The following ZFHX4 variants were observed in gnomAD, a reference collection of about 807,000 sequenced individuals.
ZFHX4 encodes the protein zinc finger homeobox 4.
ZFHX4 carries 56 observed loss-of-function variants against 267.6 expected under a neutral mutation model. The ratio of observed to expected loss-of-function variants is 0.21; its 90% confidence interval spans 0.17 to 0.26. ZFHX4 has a LOEUF of 0.26. ZFHX4 is among the 10% of genes least tolerant of loss of function. ZFHX4 has a pLI of 1.00. For synonymous variants in ZFHX4, 1,778 were observed against 1,665.6 expected, an observed-to-expected ratio of 1.07 and a Z score of -1.64; for missense variants, 4,332 against 4,420.0, an observed-to-expected ratio of 0.98 and a Z score of 0.56.
intron 3 of ZFHX4, 177 bp downstream of exon 3, chr8:76,708,225 C>T: frequency 1.2e-6 from 1 of 801,272 alleles, no homozygotes. Flanking sequence ...GAATTGAAGG[C>T]TTTATTTATA....
chr8:76,779,334 C>A (rs1156864908), intron 4 of ZFHX4, among the ~76,000 whole-genome samples: 1 of 152,000 alleles, frequency 6.6e-6, no homozygotes, highest in African/African-American at 2.4e-5. Context: ...TTACTCAGTA[C>A]ACCTTTATAA....
chr8:76,833,212 C>T, intron 4 of ZFHX4, 126 bp from the exon 5 acceptor site: 1 of 666,182 alleles, frequency 1.5e-6, no homozygotes, highest in South Asian at 1.8e-5. Flanking sequence ...GTGCTGGAGA[C>T]TCACCTGAGC....
In ZFHX4 at chr8:76,807,427, T is replaced by C. The variant is rs1811271958; in HGVS notation, c.3326-25911T>C. 1.3e-5 allele frequency among the ~76,000 whole-genome samples: 2 copies of C among 152,094 alleles called. 1 individual carries two copies. Among genetic ancestry groups the C allele is most frequent in the Admixed American group, 1.3e-4 (2 of 15,226 alleles). ...TAGATTCTGAACAAGCAGAATTAGA[T>C]TGGCAGCTTTCTCTCTCCTACCAGG... On this transcript the variant is annotated intron_variant, in intron 4 of 10. Transcript: ENST00000651372.
intron 3 of ZFHX4, 197 bp downstream of exon 3, chr8:76,708,245 C>T (rs1808333108): frequency 2.8e-6 from 2 of 703,320 alleles, no homozygotes; most frequent in South Asian, 2.0e-5. Context: ...AAAGTTTTAC[C>T]CTATGTCTCA....
At chr8:76,805,104 A>G (rs1811212782) in intron 4 of ZFHX4, among the ~76,000 whole-genome samples, 1 of 152,074 alleles carries the variant, frequency 6.6e-6, no homozygotes, top group Non-Finnish European at 1.5e-5. Flanking sequence ...AGTGGCATAC[A>G]AGGGTAAGAA....
rs781072690 is a variant in ZFHX4, at chr8:76,856,117, C to A, written c.9196C>A (p.Arg3066Ser). Reference protein sequence around the residue: ...RQLMAQQELDRIKKASDVLGL... With the variant: ...RQLMAQQELDSIKKASDVLGL... The stretch of plus-strand genomic sequence containing the variant: ...GCTGATGGCACAGCAAGAACTTGAT[C>A]GTATAAAGAAAGCTTCAGACGTGCT... The change falls in exon 10 of 11, where the codon CGT (arginine) becomes AGT (serine). Residue 3066 changes from arginine (R) to serine (S), a missense_variant. Around this residue, in one of 7 missense-constraint regions of ZFHX4, gnomAD observed 1,648 missense variants for 1,625.0 expected, o/e 1.01. Transcript: ENST00000651372. 3.1e-6 allele frequency: 5 copies of A among 1,613,936 alleles called. No homozygotes were observed. Among genetic ancestry groups the A allele is most frequent in the Non-Finnish European group, 4.2e-6 (5 of 1,179,866 alleles).
Position 76,705,066 on chromosome 8 carries a change from C to A in ZFHX4, c.978C>A (p.Gly326=). ...KCVSAIIQGI[G]KDKEPLISFL... is the part of the protein sequence containing the mutation. ...TCTCCGCCATAATACAGGGGATTGG[C>A]AAAGACAAAGAACCTCTTATAAGCT... is the stretch of plus-strand genomic sequence containing the variant. Residue 326 remains glycine, a synonymous_variant, in exon 2 of 11, where the codon GGC becomes GGA. Transcript: ENST00000651372. 1 of 1,613,926 alleles carries A rather than the reference C, an allele frequency of 6.2e-7. No individual in the cohort carries two copies. The highest frequency in any genetic ancestry group is 8.5e-7 in the Non-Finnish European group (1 of 1,179,886).
intron 4 of ZFHX4, among the ~76,000 whole-genome samples, chr8:76,778,762 A>G (rs1179539271): frequency 2.0e-5 from 3 of 152,292 alleles, no homozygotes; most frequent in Admixed American, 6.5e-5. Context: ...TCTCATGACC[A>G]AAGCAATTTG....
chr8:76,783,026 A>ATCT (rs1457207911), intron 4 of ZFHX4, among the ~76,000 whole-genome samples: 2 of 152,042 alleles, frequency 1.3e-5, no homozygotes, highest in Non-Finnish European at 1.5e-5. Flanking sequence ...AGAGCATAGA[A>ATCT]AGGTCTCTTA....
intron 3 of ZFHX4, among the ~76,000 whole-genome samples, chr8:76,749,558 A>G (rs557830303): frequency 6.6e-6 from 1 of 152,308 alleles, no homozygotes; most frequent in East Asian, 1.9e-4. Context: ...AAGAGAGTGG[A>G]AAGTTCATGA....
rs946051890 is a variant in ZFHX4 at position 76,681,574 on chromosome 8, A to G, written c.-93A>G. Reference sequence around the variant, plus strand: ...CAGCTGTAAGTAAAATAAAAGCAAAACAAAAAAGAGGCGAAGATCGAGTAG... The same window carrying G: ...CAGCTGTAAGTAAAATAAAAGCAAAGCAAAAAAGAGGCGAAGATCGAGTAG... On this transcript the variant is annotated 5_prime_UTR_variant, in exon 1 of 11. Transcript: ENST00000651372. 5.0e-6 allele frequency: 2 copies of G among 398,280 alleles called. No individual in the cohort carries two copies. The highest frequency in any genetic ancestry group is 4.4e-6 in the Non-Finnish European group (1 of 225,972). 24.7% of individuals were successfully genotyped at this position (398,280 alleles called of 1,614,324 possible).
chr8:76,726,199 A>G (rs1207119538), intron 3 of ZFHX4, among the ~76,000 whole-genome samples: 1 of 152,078 alleles, frequency 6.6e-6, no homozygotes, highest in Non-Finnish European at 1.5e-5. Flanking sequence ...AAAAGAGCCT[A>G]TCTTTTTTTT....
chr8:76,778,119 T>C lies in ZFHX4; in HGVS notation c.3094-89T>C. On this transcript the variant is annotated intron_variant, in intron 3 of 10. Transcript: ENST00000651372. ...TGCATTTGAGCATCTGTGTAACCAA[T>C]GTTTATCATGCCATGGGTGGGTGTC... is the stretch of plus-strand genomic sequence containing the variant. 7.1e-6 allele frequency: 6 copies of C among 840,206 alleles called. No homozygotes were observed. The South Asian group carries it at 8.4e-5, about 12-fold the overall frequency. The allele number at this position is 840,206 out of a possible 1,614,324, so 52.0% of individuals were successfully genotyped here.
intron 1 of ZFHX4, among the ~76,000 whole-genome samples, chr8:76,694,661 A>ACCCGCCCCCCACCCTCCGCCCCCTGCT (rs1807907815): frequency 1.5e-5 from 1 of 67,360 alleles, no homozygotes; most frequent in Non-Finnish European, 3.0e-5. Context: ...CTCCTCCTGC[A>ACCCGCCCCCCACCCTCCGCCCCCTGCT]CCCGCCCCCC....
At chr8:76,763,077 G>A (rs1328860948) in intron 3 of ZFHX4, among the ~76,000 whole-genome samples, 4 of 151,896 alleles carry the variant, frequency 2.6e-5, no homozygotes, top group South Asian at 2.1e-4. Flanking sequence ...ATCCCCTCAC[G>A]GCATCCAGAT....
intron 3 of ZFHX4, among the ~76,000 whole-genome samples, chr8:76,748,952 T>C (rs1250175442): frequency 6.6e-6 from 1 of 152,232 alleles, no homozygotes; most frequent in Non-Finnish European, 1.5e-5. Context: ...CTTATTTATT[T>C]ATAAAACAAT....
intron 3 of ZFHX4, among the ~76,000 whole-genome samples, chr8:76,722,742 T>C (rs1437588162): frequency 6.6e-6 from 1 of 152,046 alleles, no homozygotes; most frequent in Non-Finnish European, 1.5e-5. Flanking sequence ...AGATGAAAGC[T>C]TTCCTTATGT....
intron 6 of ZFHX4, among the ~76,000 whole-genome samples, chr8:76,848,221 A>T (rs1022254333): frequency 6.6e-6 from 1 of 152,192 alleles, no homozygotes; most frequent in Non-Finnish European, 1.5e-5. Flanking sequence ...AGAGGAGATT[A>T]TCGGGCAAAT....
intron 4 of ZFHX4, among the ~76,000 whole-genome samples, chr8:76,802,494 T>C (rs561884300): frequency 6.6e-6 from 1 of 152,172 alleles, no homozygotes; most frequent in South Asian, 2.1e-4. Context: ...AAGCAAGTGG[T>C]TTTTAATTGC....
Sources: allele counts gnomAD v4.1 joint callset (sites outside exome capture counted in the v4.1 genomes callset), GRCh38; gene constraint gnomAD v4.1.1; regional missense constraint gnomAD v4.1.1; transcripts MANE v1.5; gene names NCBI Gene and HGNC (gene_info 2026-07-23, HGNC 2026-07-21).